The following TRH variants were observed in gnomAD, a reference collection of about 807,000 sequenced individuals.
The protein encoded by TRH is TSH-releasing factor.
In TRH, 5 loss-of-function variants were observed where a neutral mutation model predicts 5.2. The observed-to-expected ratio is 0.95, with a 90% CI of 0.50 to 2.00. The LOEUF (loss-of-function observed/expected upper bound fraction) is 2.00, where lower values mean the gene tolerates loss of function less well. Ranked by LOEUF, TRH falls within the 30% of genes most tolerant of loss-of-function variation. The pLI is 0.01. For synonymous variants in TRH, 131 were observed against 128.6 expected (o/e 1.02, Z -0.13); for missense variants, 318 against 312.8 (o/e 1.02, Z -0.13).
Position 129,975,760 on chromosome 3 carries a change from G to GA in TRH, c.-8-48dup, listed in dbSNP as rs2062538927. The GA allele has an allele frequency of 2.0e-6, 3 of 1,513,128 alleles. No individual in the cohort carries two copies. The Admixed American group carries it at 6.1e-5, about 31-fold the overall frequency. 93.7% of individuals were successfully genotyped at this position (1,513,128 alleles called of 1,614,324 possible). Reference sequence around the variant, plus strand: ...GCGGGCGTCGGGGGAGATGGAGCGGGATGTGCTGTGATTCGGTGCGCTCAG... The same window carrying GA: ...GCGGGCGTCGGGGGAGATGGAGCGGGAATGTGCTGTGATTCGGTGCGCTCAG... On this transcript the variant is annotated intron_variant, in intron 1 of 2. Transcript: ENST00000302649.
rs771970945 is a variant in TRH, at chr3:129,976,994, AGAG to A, written c.519_521del (p.Glu175del). ...CCAAGGCTCAAAGGAGCTGGGAAGA[AGAG>A]GAGGAGGAGGAAGAGAGAGAGGAAG... On this transcript the variant is annotated inframe_deletion, in exon 3 of 3. Coordinates refer to ENST00000302649, the MANE Select transcript of TRH (RefSeq NM_007117.5). The A allele has an allele frequency of 3.7e-6, 6 of 1,613,462 alleles. No individual in the cohort carries two copies. The highest frequency in any genetic ancestry group is 3.3e-5 in the Admixed American group (2 of 59,962).
rs751892697 is a variant in TRH at position 129,976,686 on chromosome 3, T to A, written c.212-13T>A. 1.2e-6 allele frequency: 2 copies of A among 1,606,740 alleles called. No homozygotes were observed. The highest frequency in any genetic ancestry group is 3.4e-5 in the Admixed American group (2 of 59,594). On this transcript the variant is annotated splice_polypyrimidine_tract_variant and intron_variant, in intron 2 of 2. Transcript: ENST00000302649. ...GGGTCAGGGGCCCCTCACTGACCTC[T>A]TTCCTTCCCCAGCGTCCCAGATCTT...
chr3:129,976,135 C>G (rs922788120), intron 2 of TRH, 108 bp downstream of exon 2: 36 of 1,364,792 alleles, frequency 2.6e-5, no homozygotes, highest in Non-Finnish European at 3.4e-5. Flanking sequence ...TTCTGCCTTT[C>G]GGAAGCTCAG....
In TRH at chr3:129,977,052, G is replaced by A. The variant is rs1437239312; in HGVS notation, c.565G>A (p.Gly189Ser). ...DLMPEKRQHP[G>S]KRALGGPCGP... ...GATGCCTGAAAAACGCCAGCATCCG[G>A]GCAAGAGGGCCCTGGGAGGCCCCTG... The change falls in exon 3 of 3, where the codon GGC (glycine) becomes AGC (serine). Residue 189 changes from glycine (G) to serine (S), a missense_variant. By Grantham distance (56) the Gly-to-Ser change is moderately conservative (BLOSUM62 0). Coordinates refer to ENST00000302649, the MANE Select transcript of TRH (RefSeq NM_007117.5). 3.1e-6 allele frequency: 5 copies of A among 1,610,870 alleles called. No homozygotes were observed. In the South Asian group the frequency reaches 5.5e-5, roughly 18 times the overall value.
Position 129,976,797 on chromosome 3 carries a change from GA to G in TRH, c.312del (p.Ala107LeufsTer23). ...EEGVEEEEEE[E>X]GGAVGPHKRQ... ...GGGAGTTGAAGAAGAGGAAGAGGAA[GA>G]AGGGGGGGCTGTGGGACCCCACAAA... On this transcript the variant is annotated frameshift_variant, in exon 3 of 3. Transcript: ENST00000302649. LOFTEE classifies it low-confidence loss of function (END_TRUNC). 1 of 1,613,894 alleles carries G rather than the reference GA, an allele frequency of 6.2e-7. No homozygotes were observed. The highest frequency in any genetic ancestry group is 1.1e-5 in the South Asian group (1 of 91,062).
rs565156074 is a variant in TRH at position 129,975,921 on chromosome 3, G to A, written c.105G>A (p.Thr35=). 75 of 1,613,504 alleles carry A rather than the reference G, an allele frequency of 4.6e-5. 1 individual carries two copies. The Admixed American group carries it at 1.2e-3, about 25-fold the overall frequency. The change falls in exon 2 of 3, where the codon ACG becomes ACA. Residue 35 remains threonine, a synonymous_variant. Coordinates refer to ENST00000302649, the MANE Select transcript of TRH (RefSeq NM_007117.5). ...AGGCGGCCCAGCAGGAGGCAGTGAC[G>A]GCCGCGGAGCATCCGGGCCTGGATG... ...QPEAAQQEAV[T]AAEHPGLDDF...
In TRH at chr3:129,977,434, TC is replaced by T; in HGVS notation, c.*220del. 2.0e-6 allele frequency: 1 copy of T among 499,092 alleles called. No individual in the cohort carries two copies. 30.9% of individuals were successfully genotyped at this position (499,092 alleles called of 1,614,324 possible). ...CCTAGCAGTTTAAACCCCACTTTCC[TC>T]CACTTAGCACCATAGGCAAGGGGGC... On this transcript the variant is annotated 3_prime_UTR_variant, in exon 3 of 3. Transcript: ENST00000302649.
rs2062552917 is a variant in TRH, at chr3:129,977,485, C to T, written c.*269C>T. On this transcript the variant is annotated 3_prime_UTR_variant, in exon 3 of 3. Transcript: ENST00000302649. ...CAGATCCCAGAGCCCCTCTCACCCC[C>T]CCCACCACAGGCCTGCTCCTTCCTT... 3.0e-6 allele frequency: 1 copy of T among 331,030 alleles called. No individual in the cohort carries two copies. The highest frequency in any genetic ancestry group is 5.5e-6 in the Non-Finnish European group (1 of 182,464). 20.5% of individuals were successfully genotyped at this position (331,030 alleles called of 1,614,324 possible).
In TRH at chr3:129,977,124, C is replaced by A; in HGVS notation, c.637C>A (p.Leu213Met). ...YGQAGLLLGL[L>M]DDLSRSQGAE... ...TCAAGCGGGCCTTCTGCTGGGGCTC[C>A]TGGATGACCTGAGTAGGAGCCAGGG... Residue 213 changes from leucine to methionine, a missense_variant, in exon 3 of 3, where the codon CTG (leucine) becomes ATG (methionine). By Grantham distance (15) the Leu-to-Met change is conservative (BLOSUM62 2). Coordinates refer to ENST00000302649, the MANE Select transcript of TRH (RefSeq NM_007117.5). 3 of 1,548,786 alleles carry A rather than the reference C, an allele frequency of 1.9e-6. No individual in the cohort carries two copies. Among genetic ancestry groups the A allele is most frequent in the Non-Finnish European group, 2.6e-6 (3 of 1,151,052 alleles).
chr3:129,977,924 G>A lies in TRH; in HGVS notation c.*708G>A, dbSNP rs2108063652. 6.6e-6 allele frequency: 1 copy of A among 152,344 alleles called. No individual in the cohort carries two copies. Among genetic ancestry groups the A allele is most frequent in the East Asian group, 1.9e-4 (1 of 5,184 alleles). 9.4% of individuals were successfully genotyped at this position (152,344 alleles called of 1,614,324 possible). ...AGTCATCCTAATGATAATAAAACCT[G>A]CATCCAGATAATCACGGAGCTCTGT... is the stretch of plus-strand genomic sequence containing the variant. On this transcript the variant is annotated 3_prime_UTR_variant, in exon 3 of 3. Transcript: ENST00000302649.
At chr3:129,976,068 T>C (rs2062542124) in intron 2 of TRH, 41 bp downstream of exon 2, 2 of 1,594,008 alleles carry the variant, frequency 1.3e-6, no homozygotes, top group East Asian at 2.3e-5. Flanking sequence ...GGCTAGGCTA[T>C]TGGGAGAGCC....
intron 2 of TRH, 87 bp downstream of exon 2, chr3:129,976,114 G>A: frequency 6.8e-7 from 1 of 1,469,936 alleles, no homozygotes; most frequent in Non-Finnish European, 9.2e-7. Context: ...GGGAGGCTTG[G>A]TCAGCTAGCC....
rs201986629 is a variant in TRH, at chr3:129,977,120, G to C, written c.633G>C (p.Gly211=). ...GAYGQAGLLL[G]LLDDLSRSQG... ...ATGGTCAAGCGGGCCTTCTGCTGGG[G>C]CTCCTGGATGACCTGAGTAGGAGCC... The change falls in exon 3 of 3, where the codon GGG becomes GGC. Residue 211 remains glycine, a synonymous_variant. Transcript: ENST00000302649. The C allele has an allele frequency of 1.0e-5, 16 of 1,551,254 alleles. No homozygotes were observed. Among genetic ancestry groups the C allele is most frequent in the Admixed American group, 4.1e-5 (2 of 48,682 alleles).
At chr3:129,975,011 C>A (rs2062534311) in intron 1 of TRH, among the ~76,000 whole-genome samples, 188 bp downstream of exon 1, 1 of 152,148 alleles carries the variant, frequency 6.6e-6, no homozygotes, top group Non-Finnish European at 1.5e-5. Context: ...ACGGGAGGCA[C>A]GGCGCGGGCA....
At chr3:129,975,741 G>A (rs748982909) in intron 1 of TRH, 68 bp from the exon 2 acceptor site, 293 of 1,453,652 alleles carry the variant, frequency 2.0e-4, no homozygotes, top group Non-Finnish European at 2.6e-4. Context: ...TCTGGCGGGC[G>A]TCGGGGGAGA....
At chr3:129,976,078 C>G (rs761616874) in intron 2 of TRH, 51 bp downstream of exon 2, 1 of 1,581,096 alleles carries the variant, frequency 6.3e-7, no homozygotes, top group East Asian at 2.3e-5. Flanking sequence ...TTGGGAGAGC[C>G]GTGGAAACCT....
chr3:129,977,268 G>C lies in TRH; in HGVS notation c.*52G>C, dbSNP rs752414848. The C allele has an allele frequency of 2.7e-6, 4 of 1,497,154 alleles. No individual in the cohort carries two copies. In the East Asian group the frequency reaches 6.9e-5, roughly 26 times the overall value. The allele number at this position is 1,497,154 out of a possible 1,614,324, so 92.7% of individuals were successfully genotyped here. A position where few individuals can be genotyped will look rare whatever the true frequency, so the allele number is the denominator to read the frequency against. ...GTGGTCTAAGGATGTCTTGAGCCCT[G>C]TGTGCCCCACCATTCATGACCTCTG... On this transcript the variant is annotated 3_prime_UTR_variant, in exon 3 of 3. Transcript: ENST00000302649.
At position 129,975,691 on chromosome 3, in the gene TRH, C is replaced by T. The variant is rs13306056; in HGVS notation, c.-8-118C>T. The T allele has an allele frequency of 1.3e-3, 1,424 of 1,131,340 alleles. 24 individuals are homozygous for T. In the East Asian group the frequency reaches 0.032, roughly 25 times the overall value. The allele number at this position is 1,131,340 out of a possible 1,614,324, so 70.1% of individuals were successfully genotyped here. On this transcript the variant is annotated intron_variant, in intron 1 of 2. Coordinates refer to ENST00000302649, the MANE Select transcript of TRH (RefSeq NM_007117.5). ...CCGCCCCTGCACGAGGGGCAGTGGTCCTGCTTCTGGGAGGGCGGTTGAACT... is the reference window on the plus strand; with the variant it reads ...CCGCCCCTGCACGAGGGGCAGTGGTTCTGCTTCTGGGAGGGCGGTTGAACT...
intron 2 of TRH, among the ~76,000 whole-genome samples, 160 bp downstream of exon 2, chr3:129,976,187 C>T (rs1053190611): frequency 1.3e-5 from 2 of 152,268 alleles, no homozygotes; most frequent in African/African-American, 4.8e-5. Context: ...TGGAGTTGAC[C>T]ATTCCTCGGG....
Sources: gnomAD v4.1 joint callset for allele counts (sites outside exome capture counted in the v4.1 genomes callset) on GRCh38, gnomAD v4.1.1 for gene constraint, MANE v1.5 for transcripts, NCBI Gene and HGNC (gene_info 2026-07-23, HGNC 2026-07-21) for gene names.